The following RAD51B variants were observed in gnomAD, a reference collection of about 807,000 sequenced individuals.
RAD51B encodes RAD51 paralog B, also known as DNA repair protein RAD51 homolog 2.
RAD51B carries 38 observed loss-of-function variants against 42.2 expected under a neutral mutation model. The ratio of observed to expected loss-of-function variants is 0.90; its 90% CI spans 0.70 to 1.18. RAD51B has a LOEUF of 1.18. Ranked by LOEUF, RAD51B falls within the 50% of genes most tolerant of loss-of-function variation. RAD51B has a pLI of 0.00. For missense variants in RAD51B, 373 were observed against 400.7 expected (o/e 0.93, Z 0.59); for synonymous variants, 154 against 145.2 (o/e 1.06, Z -0.43).
chr14:68,253,971 T>C (rs1286697994), intron 7 of RAD51B, among the ~76,000 whole-genome samples: 2 of 152,252 alleles, frequency 1.3e-5, no homozygotes, highest in Non-Finnish European at 1.5e-5. Flanking sequence ...CAAATAGTTT[T>C]ATAATTAACT....
At chr14:68,335,296 CAAAA>C (rs768281887) in intron 8 of RAD51B, among the ~76,000 whole-genome samples, 1 of 43,176 alleles carries the variant, frequency 2.3e-5, no homozygotes, top group Non-Finnish European at 4.8e-5. Flanking sequence ...GACCCTGTGT[CAAAA>C]AAAAAAAAAA....
intron 7 of RAD51B, among the ~76,000 whole-genome samples, chr14:68,028,089 A>G (rs993791672): frequency 8.5e-5 from 13 of 152,210 alleles, no homozygotes; most frequent in African/African-American, 2.9e-4. Context: ...AGGGGGGCAT[A>G]TTACCAAAAT....
chr14:67,840,165 C>T (rs2041377295), intron 4 of RAD51B, among the ~76,000 whole-genome samples: 1 of 152,044 alleles, frequency 6.6e-6, no homozygotes. Flanking sequence ...GGTATATGTA[C>T]AGGTTTGTTA....
intron 10 of RAD51B, chr14:68,497,474 G>A: frequency 5.6e-6 from 6 of 1,063,586 alleles, no homozygotes; most frequent in Non-Finnish European, 6.8e-6. Context: ...TTGTGTTCGT[G>A]GAACACATAG....
At chr14:68,620,453 C>G (rs1462947095) in intron 10 of RAD51B, among the ~76,000 whole-genome samples, 2 of 152,186 alleles carry the variant, frequency 1.3e-5, no homozygotes, top group Non-Finnish European at 2.9e-5. Context: ...AAAGAAGAGC[C>G]TTGCTCACTT....
intron 8 of RAD51B, among the ~76,000 whole-genome samples, chr14:68,383,137 C>T (rs1043017076): frequency 6.6e-6 from 1 of 152,146 alleles, no homozygotes; most frequent in Non-Finnish European, 1.5e-5. Flanking sequence ...TTTTTAATCT[C>T]TTTGGATATG....
chr14:68,308,242 C>A (rs1278978429), intron 8 of RAD51B, among the ~76,000 whole-genome samples: 2 of 152,074 alleles, frequency 1.3e-5, no homozygotes, highest in African/African-American at 2.4e-5. Flanking sequence ...TTTGCTTATC[C>A]AATATGCCTT....
intron 10 of RAD51B, among the ~76,000 whole-genome samples, chr14:68,557,903 G>C (rs1888936253): frequency 6.6e-6 from 1 of 152,026 alleles, no homozygotes; most frequent in African/African-American, 2.4e-5. Context: ...TAGGAAACCA[G>C]ACTGAAAAAA....
At chr14:68,172,197 G>C (rs549153684) in intron 7 of RAD51B, among the ~76,000 whole-genome samples, 1 of 152,056 alleles carries the variant, frequency 6.6e-6, no homozygotes, top group South Asian at 2.1e-4. Flanking sequence ...CCCTTAAATC[G>C]CCTAGTTCTC....
At chr14:68,538,450 T>G (rs956616210) in intron 10 of RAD51B, among the ~76,000 whole-genome samples, 1 of 152,212 alleles carries the variant, frequency 6.6e-6, no homozygotes, top group Admixed American at 6.5e-5. Flanking sequence ...TAGGAAGGCA[T>G]ATTTTTTCAT....
chr14:67,906,046 T>C (rs963596475), intron 7 of RAD51B, among the ~76,000 whole-genome samples: 3 of 152,070 alleles, frequency 2.0e-5, no homozygotes, highest in Admixed American at 2.0e-4. Flanking sequence ...CATAGATGAG[T>C]CTTCTTATTC....
chr14:68,149,585 G>A (rs1346287373), intron 7 of RAD51B: 4 of 152,140 alleles, frequency 2.6e-5, no homozygotes, highest in Non-Finnish European at 5.9e-5. Context: ...CTTGATTACT[G>A]TAGCTTTGTG....
chr14:68,297,682 A>G (rs1189203268), intron 8 of RAD51B, among the ~76,000 whole-genome samples: 1 of 152,244 alleles, frequency 6.6e-6, no homozygotes, highest in Non-Finnish European at 1.5e-5. Context: ...CCATGTGACT[A>G]CAAAGTTAAT....
intron 7 of RAD51B, among the ~76,000 whole-genome samples, chr14:68,025,398 A>G (rs932913468): frequency 2.6e-5 from 4 of 150,988 alleles, no homozygotes; most frequent in Non-Finnish European, 5.9e-5. Context: ...CAATTTTCTG[A>G]AATAGTTTTA....
At chr14:68,085,455 A>G (rs2076970421) in intron 7 of RAD51B, among the ~76,000 whole-genome samples, 1 of 152,186 alleles carries the variant, frequency 6.6e-6, no homozygotes. Context: ...AAGTATGAGG[A>G]AAATCAGGAG....
chr14:68,285,400 G>GA (rs1052054963), intron 7 of RAD51B, among the ~76,000 whole-genome samples: 2 of 152,098 alleles, frequency 1.3e-5, no homozygotes, highest in African/African-American at 4.8e-5. Flanking sequence ...GTACAAAAAG[G>GA]AAAAAAAGAT....
chr14:68,192,218 A>G (rs1036128731), intron 7 of RAD51B, among the ~76,000 whole-genome samples: 1 of 152,130 alleles, frequency 6.6e-6, no homozygotes, highest in Non-Finnish European at 1.5e-5. Context: ...ATACTATACC[A>G]TGGTTAATCA....
intron 10 of RAD51B, among the ~76,000 whole-genome samples, chr14:68,536,963 T>C (rs2842335): frequency 0.92 from 139,971 of 151,636 alleles, 65,424 homozygotes; most frequent in Non-Finnish European, 0.99. Flanking sequence ...CATCTATAGT[T>C]CCTGCTACTC....
chr14:68,564,972 C>A (rs891188063), intron 10 of RAD51B, among the ~76,000 whole-genome samples: 193 of 152,364 alleles, frequency 1.3e-3, no homozygotes, highest in African/African-American at 4.6e-3. Context: ...CACAGCCTCT[C>A]CCCTCACTGA....
Sources: allele counts gnomAD v4.1 joint callset (sites outside exome capture counted in the v4.1 genomes callset), GRCh38; gene constraint gnomAD v4.1.1; transcripts MANE v1.5; gene names NCBI Gene and HGNC (gene_info 2026-07-23, HGNC 2026-07-21).